The following PCDHGA2 variants were observed in gnomAD, a reference collection of about 807,000 sequenced individuals.
PCDHGA2 encodes protocadherin gamma-A2.
PCDHGA2 carries 40 observed loss-of-function variants against 59.2 expected under a neutral mutation model. That is an observed-to-expected ratio of 0.68 (90% CI 0.52 to 0.88). The LOEUF is 0.88. Ranked by LOEUF, PCDHGA2 falls within the 40% of genes least tolerant of loss-of-function variation. PCDHGA2 has a pLI of 0.00. For missense variants in PCDHGA2, 1,226 were observed against 1,204.0 expected, an observed-to-expected ratio of 1.02 and a Z score of -0.27; for synonymous variants, 560 against 526.0, an observed-to-expected ratio of 1.06 and a Z score of -0.89.
At chr5:141,389,250 A>G (rs1365678326) in intron 1 of PCDHGA2, 16 of 1,614,012 alleles carry the variant, frequency 9.9e-6, no homozygotes, top group Middle Eastern at 1.6e-4. Flanking sequence ...GTCTTCCTAT[A>G]TAGTCCACGT....
intron 1 of PCDHGA2, chr5:141,355,182 A>G: frequency 6.3e-7 from 1 of 1,584,970 alleles, no homozygotes; most frequent in South Asian, 1.1e-5. Flanking sequence ...AGCACAGGCG[A>G]CTCCGCGGCG....
chr5:141,384,386 T>A (rs1208791457), intron 1 of PCDHGA2: 1 of 1,613,954 alleles, frequency 6.2e-7, no homozygotes, highest in South Asian at 1.1e-5. Flanking sequence ...GAAGACACCA[T>A]CCAGGGGGCT....
At chr5:141,419,630 G>T in intron 1 of PCDHGA2, 2 of 1,612,430 alleles carry the variant, frequency 1.2e-6, no homozygotes, top group African/African-American at 1.3e-5. Flanking sequence ...GGTGACCAAG[G>T]TGGTGGCCGT....
intron 1 of PCDHGA2, chr5:141,346,568 C>A: frequency 7.0e-7 from 1 of 1,430,724 alleles, no homozygotes; most frequent in South Asian, 1.4e-5. Flanking sequence ...GTCATTAGTC[C>A]TTTGACTAAA....
rs1412764202 is a variant in PCDHGA2, at chr5:141,486,708, C to T, written c.2425-8099C>T. The T allele has an allele frequency of 1.2e-6, 2 of 1,614,062 alleles. No individual in the cohort carries two copies. Among genetic ancestry groups the T allele is most frequent in the Non-Finnish European group, 1.7e-6 (2 of 1,180,054 alleles). ...GCTTCCTCTTTCATCTCTCTGAACC[C>T]CCAGACAGGAGCTGTTCATGCTACT... On this transcript the variant is annotated intron_variant, in intron 1 of 3. Coordinates refer to ENST00000394576, the MANE Select transcript of PCDHGA2 (RefSeq NM_018915.4). This position sits in a 1 kb window ranked among gnomAD's most constrained non-coding sequence, Gnocchi z 5.0.
chr5:141,360,560 T>G (rs746175290), intron 1 of PCDHGA2: 4 of 1,613,846 alleles, frequency 2.5e-6, no homozygotes, highest in Non-Finnish European at 3.4e-6. Flanking sequence ...AATTTAAAAA[T>G]TGGCGAATCC....
At chr5:141,351,417 T>A (rs1401695634) in intron 1 of PCDHGA2, 1 of 1,611,340 alleles carries the variant, frequency 6.2e-7, no homozygotes, top group African/African-American at 1.3e-5. Flanking sequence ...CAGGAAGAAG[T>A]TCCTTTCAAA....
chr5:141,422,409 A>G, intron 1 of PCDHGA2: 1 of 1,601,728 alleles, frequency 6.2e-7, no homozygotes. Flanking sequence ...TGCCTTTTAA[A>G]TTAGAAAAGA....
At chr5:141,409,867 C>T (rs376725837) in intron 1 of PCDHGA2, 35 of 1,612,662 alleles carry the variant, frequency 2.2e-5, no homozygotes, top group African/African-American at 2.1e-4. Flanking sequence ...TGGGAGACCG[C>T]AATGACAACG....
At chr5:141,399,933 C>T in intron 1 of PCDHGA2, 5 of 1,612,358 alleles carry the variant, frequency 3.1e-6, no homozygotes, top group Non-Finnish European at 1.7e-6. Context: ...GGCTGTCCTA[C>T]CACGTGCTGC....
intron 1 of PCDHGA2, among the ~76,000 whole-genome samples, chr5:141,461,100 T>C (rs926482549): frequency 1.1e-4 from 16 of 152,062 alleles, no homozygotes; most frequent in African/African-American, 3.6e-4. Context: ...TATAAACATA[T>C]GTGTCCAAGT....
In PCDHGA2 at chr5:141,403,547, G is replaced by A. The variant is rs940508173; in HGVS notation, c.2424+62152G>A. ...AAACCCAGAGCTGGTGCTGGAGCGC[G>A]CCCTGGACAGGGAGGAGGCAACTGC... On this transcript the variant is annotated intron_variant, in intron 1 of 3. Coordinates refer to ENST00000394576, the MANE Select transcript of PCDHGA2 (RefSeq NM_018915.4). 3.4e-5 allele frequency: 55 copies of A among 1,613,888 alleles called. No individual in the cohort carries two copies. The highest frequency in any genetic ancestry group is 4.5e-5 in the Non-Finnish European group (53 of 1,179,904).
intron 1 of PCDHGA2, chr5:141,410,295 T>G (rs1043971768): frequency 9.3e-6 from 15 of 1,613,864 alleles, no homozygotes; most frequent in Non-Finnish European, 1.3e-5. Context: ...GCCTTGGCCT[T>G]AATCTCAGTG....
At chr5:141,353,983 T>A (rs914733531) in intron 1 of PCDHGA2, among the ~76,000 whole-genome samples, 3 of 152,236 alleles carry the variant, frequency 2.0e-5, no homozygotes, top group Admixed American at 1.3e-4. Context: ...CTGCTTTATC[T>A]CAAATTTTCA....
Position 141,432,076 on chromosome 5 carries a change from G to T in PCDHGA2, c.2425-62731G>T. ...CCCTATCCACGGAAACTCATATCTC[G>T]CTGAACGTGGCAGACACCAACGACA... On this transcript the variant is annotated intron_variant, in intron 1 of 3. Transcript: ENST00000394576. This position sits in a 1 kb window ranked among gnomAD's most constrained non-coding sequence, Gnocchi z 6.0. 1.2e-6 allele frequency: 2 copies of T among 1,614,160 alleles called. No homozygotes were observed. Among genetic ancestry groups the T allele is most frequent in the Non-Finnish European group, 1.7e-6 (2 of 1,180,024 alleles).
In PCDHGA2 at chr5:141,364,378, CT is replaced by C. The variant is rs1763292198; in HGVS notation, c.2424+22985del. The stretch of plus-strand genomic sequence containing the variant: ...GGGGCTGCGGAGAGCTGCTGCTGCC[CT>C]TCATGCTCCTGGGGACGCTGTGCGA... On this transcript the variant is annotated intron_variant, in intron 1 of 3. Transcript: ENST00000394576. 5 of 1,579,064 alleles carry C rather than the reference CT, an allele frequency of 3.2e-6. No individual in the cohort carries two copies. The East Asian group carries it at 1.1e-4, about 35-fold the overall frequency.
At position 141,476,395 on chromosome 5, in the gene PCDHGA2, T is replaced by C. The variant is rs545562470; in HGVS notation, c.2425-18412T>C. 4 of 1,614,020 alleles carry C rather than the reference T, an allele frequency of 2.5e-6. 1 individual carries two copies. In the South Asian group the frequency reaches 4.4e-5, roughly 18 times the overall value. On this transcript the variant is annotated intron_variant, in intron 1 of 3. Transcript: ENST00000394576. This position sits in a 1 kb window ranked among gnomAD's most constrained non-coding sequence, Gnocchi z 7.6. ...AGATGTTTGTGAACGACCGTCTGGATCGAGAGGAGCTGTGTGGGACACTGC... is the reference window on the plus strand; with the variant it reads ...AGATGTTTGTGAACGACCGTCTGGACCGAGAGGAGCTGTGTGGGACACTGC...
chr5:141,388,254 G>A, intron 1 of PCDHGA2: 2 of 1,568,962 alleles, frequency 1.3e-6, no homozygotes, highest in South Asian at 1.1e-5. Context: ...TGTGGAGATC[G>A]AGGACATTAA....
intron 1 of PCDHGA2, chr5:141,371,832 G>C (rs765040359): frequency 6.2e-7 from 1 of 1,613,780 alleles, no homozygotes. Context: ...CTCGGATCCC[G>C]ACTTGGGACC....
Sources: gnomAD v4.1 joint callset for allele counts (sites outside exome capture counted in the v4.1 genomes callset) on GRCh38, gnomAD v4.1.1 for gene constraint, Gnocchi (gnomAD v3.1) non-coding constraint, MANE v1.5 for transcripts, NCBI Gene and HGNC (gene_info 2026-07-23, HGNC 2026-07-21) for gene names.